OR51B5: variants seen among roughly 807,000 people sequenced by gnomAD.
OR51B5 encodes olfactory receptor family 51 subfamily B member 5.
For synonymous variants in OR51B5, 186 were observed against 144.8 expected (o/e 1.28, Z -2.04); for missense variants, 456 against 374.6 (o/e 1.22, Z -1.79).
At chr11:5,384,609 C>T (rs548666781) in intron 1 of OR51B5, among the ~76,000 whole-genome samples, 1 of 152,320 alleles carries the variant, frequency 6.6e-6, no homozygotes, top group African/African-American at 2.4e-5. Flanking sequence ...ATGGCAGAAG[C>T]CCTCTGGTCT....
intron 1 of OR51B5, among the ~76,000 whole-genome samples, chr11:5,367,432 A>G (rs1189515363): frequency 1.3e-5 from 2 of 152,192 alleles, no homozygotes; most frequent in Non-Finnish European, 2.9e-5. Flanking sequence ...ATGCTAAACA[A>G]GGGGTGGATT....
At chr11:5,481,510 G>A (rs994384142) in intron 1 of OR51B5, among the ~76,000 whole-genome samples, 12 of 144,840 alleles carry the variant, frequency 8.3e-5, no homozygotes, top group East Asian at 8.2e-4. Context: ...TCTGGCCAGG[G>A]CAATTAGGCA....
upstream of OR51B5, chr11:5,343,712 CTGCACATT>C: frequency 2.0e-6 from 1 of 492,616 alleles, no homozygotes; most frequent in Non-Finnish European, 3.5e-6. Flanking sequence ...GTATTCTTAA[CTGCACATT>C]CCAGGATCTA....
At chr11:5,483,208 A>G (rs1249297003) in intron 1 of OR51B5, among the ~76,000 whole-genome samples, 1 of 149,364 alleles carries the variant, frequency 6.7e-6, no homozygotes, top group Non-Finnish European at 1.5e-5. Flanking sequence ...TCCTTTGTAG[A>G]GACATGGATG....
rs531195425 is a variant in OR51B5, at chr11:5,398,577, T to C, written n.85-51667A>G. On this transcript the variant is annotated intron_variant and non_coding_transcript_variant, in intron 1 of 4. Transcript: ENST00000415970. ...GTGCACAAGCCCATGATCCCTGATA[T>C]GGCTTGGCTCTGTGTCTCCACCCAA... Among the ~76,000 whole-genome samples, 20 of 152,290 alleles carry C rather than the reference T, an allele frequency of 1.3e-4. No individual in the cohort carries two copies. The South Asian group carries it at 4.1e-3, about 32-fold the overall frequency.
intron 1 of OR51B5, among the ~76,000 whole-genome samples, chr11:5,494,409 GTC>G (rs1646725506): frequency 6.6e-6 from 1 of 151,984 alleles, no homozygotes; most frequent in Non-Finnish European, 1.5e-5. Flanking sequence ...TTACATACTT[GTC>G]TCTCTTAAGG....
intron 1 of OR51B5, among the ~76,000 whole-genome samples, chr11:5,429,745 G>A (rs978844590): frequency 6.6e-6 from 1 of 152,120 alleles, no homozygotes; most frequent in African/African-American, 2.4e-5. Flanking sequence ...AAGCATGAAA[G>A]GAAGGGAGGA....
At position 5,357,975 on chromosome 11, in the gene OR51B5, G is replaced by C. The variant is rs1849220783; in HGVS notation, n.85-11065C>G. 3.9e-5 allele frequency among the ~76,000 whole-genome samples: 6 copies of C among 152,116 alleles called. No individual in the cohort carries two copies. In the South Asian group the frequency reaches 1.2e-3, roughly 32 times the overall value. ...AAAGACACAACATACCAGAATCTCT[G>C]GGACACATTCAAAGCAGTGTGTAGA... is the stretch of plus-strand genomic sequence containing the variant. On this transcript the variant is annotated intron_variant and non_coding_transcript_variant, in intron 1 of 4. Coordinates refer to the OR51B5 transcript ENST00000415970.
At chr11:5,397,157 G>C (rs1321569247) in intron 1 of OR51B5, among the ~76,000 whole-genome samples, 1 of 152,208 alleles carries the variant, frequency 6.6e-6, no homozygotes, top group African/African-American at 2.4e-5. Flanking sequence ...TGGACTTCAT[G>C]TCTAAAACAC....
chr11:5,443,317 T>C (rs538206856), intron 1 of OR51B5, among the ~76,000 whole-genome samples: 51 of 152,246 alleles, frequency 3.3e-4, no homozygotes, highest in Non-Finnish European at 6.2e-4. Context: ...ATCCCAAATA[T>C]ATATAGGTAG....
intron 1 of OR51B5, chr11:5,453,623 C>A: frequency 1.2e-6 from 2 of 1,613,788 alleles, no homozygotes; most frequent in Non-Finnish European, 1.7e-6. Context: ...ATACAGTGAT[C>A]CTGCAGGCTG....
chr11:5,500,313 TA>T (rs1294822004), intron 1 of OR51B5, among the ~76,000 whole-genome samples: 1 of 152,204 alleles, frequency 6.6e-6, no homozygotes, highest in African/African-American at 2.4e-5. Context: ...AGTATATAAG[TA>T]AAAGGATTAA....
At chr11:5,412,859 G>A (rs915833975) in intron 1 of OR51B5, among the ~76,000 whole-genome samples, 1 of 151,856 alleles carries the variant, frequency 6.6e-6, no homozygotes, top group Non-Finnish European at 1.5e-5. Flanking sequence ...CACCTCTGGG[G>A]GCAGGGCACA....
intron 1 of OR51B5, among the ~76,000 whole-genome samples, chr11:5,386,595 A>T (rs779167928): frequency 1.3e-5 from 2 of 152,048 alleles, no homozygotes; most frequent in Non-Finnish European, 2.9e-5. Context: ...GAAGTACTGA[A>T]AACAGTGCAG....
chr11:5,360,584 G>A (rs994879019), intron 1 of OR51B5, among the ~76,000 whole-genome samples: 21 of 152,060 alleles, frequency 1.4e-4, no homozygotes, highest in South Asian at 6.2e-4. Flanking sequence ...TCAGTGTGGC[G>A]ATTCCTCAGG....
intron 1 of OR51B5, chr11:5,352,552 T>A: frequency 1.5e-6 from 1 of 689,542 alleles, no homozygotes; most frequent in South Asian, 1.8e-5. Context: ...AACTAATCAA[T>A]CCCTGAGCAT....
chr11:5,374,877 G>A (rs536555182), intron 1 of OR51B5, among the ~76,000 whole-genome samples: 78 of 152,162 alleles, frequency 5.1e-4, no homozygotes, highest in African/African-American at 1.4e-3. Flanking sequence ...TGAAAGTGAC[G>A]GGGAGAATCG....
At chr11:5,346,261 C>A (rs1253470688), upstream of OR51B5, 1 of 152,120 alleles carries the variant, frequency 6.6e-6, no homozygotes, top group Non-Finnish European at 1.5e-5. Context: ...TGCAGACATA[C>A]CTGGTAATGC....
intron 1 of OR51B5, among the ~76,000 whole-genome samples, chr11:5,458,671 C>A (rs895712363): frequency 2.6e-5 from 4 of 152,154 alleles, no homozygotes; most frequent in Non-Finnish European, 5.9e-5. Context: ...AGATCATTCA[C>A]CTGCACCGTT....
Sources: allele counts gnomAD v4.1 joint callset (sites outside exome capture counted in the v4.1 genomes callset), GRCh38; gene constraint gnomAD v4.1.1; transcripts MANE v1.5; gene names NCBI Gene and HGNC (gene_info 2026-07-23, HGNC 2026-07-21).